Variants in TPMT observed in about 807,000 individuals in gnomAD.
TPMT encodes the protein thiopurine S-methyltransferase, also known as S-adenosyl-L-methionine:thiopurine S-methyltransferase.
TPMT carries 18 observed loss-of-function variants against 34.2 expected under a neutral mutation model. The observed-to-expected ratio is 0.53, with a 90% confidence interval of 0.36 to 0.78. The LOEUF (loss-of-function observed/expected upper bound fraction) is 0.78, where lower values mean the gene tolerates loss of function less well. Among genes scored for constraint, TPMT ranks in the 30% least tolerant of loss-of-function variants. The pLI is 0.00. For synonymous variants in TPMT, 69 were observed against 92.4 expected, an observed-to-expected ratio of 0.75 and a Z score of 1.45; for missense variants, 265 against 288.1, an observed-to-expected ratio of 0.92 and a Z score of 0.58.
intron 3 of TPMT, among the ~76,000 whole-genome samples, chr6:18,144,874 C>T (rs1362152406): frequency 1.3e-5 from 2 of 151,360 alleles, no homozygotes; most frequent in East Asian, 2.0e-4. Context: ...GTGTGCCCCA[C>T]CATACCCGGC....
rs1338652275 is a variant in TPMT at position 18,148,798 on chromosome 6, G to A, written c.140+190C>T. On this transcript the variant is annotated intron_variant, in intron 2 of 8. Transcript: ENST00000309983. The surrounding 1 kb of genome is among the most constrained non-coding windows in gnomAD (Gnocchi z 4.1). The stretch of plus-strand genomic sequence containing the variant: ...TAAGCCACACCATTATTTACACACT[G>A]TGGGAAGAAAAGACTCTGCCAATTA... 6.6e-6 allele frequency among the ~76,000 whole-genome samples: 1 copy of A among 152,194 alleles called. No individual in the cohort carries two copies. The highest frequency in any genetic ancestry group is 1.9e-4 in the East Asian group (1 of 5,200).
rs960644988 is a variant in TPMT at position 18,140,535 on chromosome 6, T to A, written c.367-818A>T. ...CAAAACTCCAACTCTACAGAAAAAATTAGATGGGTGTGGTGGCACACACCT... is the reference window on the plus strand; with the variant it reads ...CAAAACTCCAACTCTACAGAAAAAAATAGATGGGTGTGGTGGCACACACCT... On this transcript the variant is annotated intron_variant, in intron 4 of 8. Transcript: ENST00000309983. This position sits in a 1 kb window ranked among gnomAD's most constrained non-coding sequence, Gnocchi z 4.7. Among the ~76,000 whole-genome samples, 6 of 151,374 alleles carry A rather than the reference T, an allele frequency of 4.0e-5. No individual in the cohort carries two copies. Among genetic ancestry groups the A allele is most frequent in the Non-Finnish European group, 7.4e-5 (5 of 67,868 alleles).
At position 18,138,822 on chromosome 6, in the gene TPMT, T is replaced by C; in HGVS notation, c.494+141A>G. 1.4e-6 allele frequency: 1 copy of C among 722,574 alleles called. No individual in the cohort carries two copies. Among genetic ancestry groups the C allele is most frequent in the East Asian group, 2.7e-5 (1 of 37,312 alleles). The allele number at this position is 722,574 out of a possible 1,614,324, so 44.8% of individuals were successfully genotyped here. A position where few individuals can be genotyped will look rare whatever the true frequency, so the allele number is the denominator to read the frequency against. On this transcript the variant is annotated intron_variant, in intron 6 of 8. Transcript: ENST00000309983. The surrounding 1 kb of genome is among the most constrained non-coding windows in gnomAD (Gnocchi z 4.1). Reference sequence around the variant, plus strand: ...CTATACTTTTTAGACAAAGCTAGTATTGGATTTAGGTTTTTATAAATTCCA... The same window carrying C: ...CTATACTTTTTAGACAAAGCTAGTACTGGATTTAGGTTTTTATAAATTCCA...
In TPMT at chr6:18,139,514, A is replaced by G; in HGVS notation, c.419+151T>C. The G allele has an allele frequency of 4.2e-6, 3 of 715,778 alleles. No individual in the cohort carries two copies. Among genetic ancestry groups the G allele is most frequent in the Non-Finnish European group, 7.4e-6 (3 of 403,328 alleles). The allele number at this position is 715,778 out of a possible 1,614,324, so 44.3% of individuals were successfully genotyped here. ...CATTAAAGTGTGCAGACGAGTGTGT[A>G]ATAAAAATATCTGCAGAACAGACAT... On this transcript the variant is annotated intron_variant, in intron 5 of 8. Coordinates refer to ENST00000309983, the MANE Select transcript of TPMT (RefSeq NM_000367.5). The surrounding 1 kb of genome is among the most constrained non-coding windows in gnomAD (Gnocchi z 4.2).
Position 18,128,332 on chromosome 6 carries a change from A to G in TPMT, c.*2336T>C, listed in dbSNP as rs1428503199. On this transcript the variant is annotated 3_prime_UTR_variant, in exon 9 of 9. Coordinates refer to ENST00000309983, the MANE Select transcript of TPMT (RefSeq NM_000367.5). The surrounding 1 kb of genome is among the most constrained non-coding windows in gnomAD (Gnocchi z 4.6). ...AGCATTTTTGGAAAATCCTGAAAAC[A>G]ATTTAATTGCTCTAAAATAATTTAC... The G allele has an allele frequency of 6.6e-6, 1 of 152,236 alleles. No homozygotes were observed. The highest frequency in any genetic ancestry group is 1.5e-5 in the Non-Finnish European group (1 of 68,044). The allele number at this position is 152,236 out of a possible 1,614,324, so 9.4% of individuals were successfully genotyped here.
Position 18,148,869 on chromosome 6 carries a change from A to G in TPMT, c.140+119T>C, listed in dbSNP as rs1561892273. 1.4e-6 allele frequency: 2 copies of G among 1,473,268 alleles called. No homozygotes were observed. The highest frequency in any genetic ancestry group is 1.9e-6 in the Non-Finnish European group (2 of 1,063,272). 91.3% of individuals were successfully genotyped at this position (1,473,268 alleles called of 1,614,324 possible). A position where few individuals can be genotyped will look rare whatever the true frequency, so the allele number is the denominator to read the frequency against. On this transcript the variant is annotated intron_variant, in intron 2 of 8. Coordinates refer to ENST00000309983, the MANE Select transcript of TPMT (RefSeq NM_000367.5). The surrounding 1 kb of genome is among the most constrained non-coding windows in gnomAD (Gnocchi z 4.1). ...GCACTGTGACTCGGGAGACACAAAA[A>G]TGTGAAGAATTAAATGTGCATCCTA... is the stretch of plus-strand genomic sequence containing the variant.
Position 18,132,230 on chromosome 6 carries a change from T to G in TPMT, c.581-53A>C. 6.5e-7 allele frequency: 1 copy of G among 1,537,228 alleles called. No homozygotes were observed. ...TTTATTTCCAATGACGTAGGTGTAC[T>G]TGTTCTACATACAACTTCATTATCC... On this transcript the variant is annotated intron_variant, in intron 7 of 8. Coordinates refer to ENST00000309983, the MANE Select transcript of TPMT (RefSeq NM_000367.5). This position sits in a 1 kb window ranked among gnomAD's most constrained non-coding sequence, Gnocchi z 4.8.
chr6:18,143,502 C>A lies in TPMT; in HGVS notation c.366+94G>T, dbSNP rs1296321656. ...GTGAATCTGCGTGCTAAATAGGAAC[C>A]ATCGGACACATGAATGGTATCCTCA... On this transcript the variant is annotated intron_variant, in intron 4 of 8. Transcript: ENST00000309983. This position sits in a 1 kb window ranked among gnomAD's most constrained non-coding sequence, Gnocchi z 6.1. 40 of 1,519,098 alleles carry A rather than the reference C, an allele frequency of 2.6e-5. No homozygotes were observed. The highest frequency in any genetic ancestry group is 3.3e-5 in the Non-Finnish European group (36 of 1,100,652). The allele number at this position is 1,519,098 out of a possible 1,614,324, so 94.1% of individuals were successfully genotyped here.
chr6:18,133,819 G>C lies in TPMT; in HGVS notation c.565C>G (p.Pro189Ala). ...QYLLCVLSYD[P>A]TKHPGPPFYV... ...ACAACTTTACCTGGATGTTTAGTTG[G>C]ATCATAAGAAAGAACACACAGGAGA... Residue 189 changes from proline (P) to alanine (A), a missense_variant, in exon 7 of 9, where the codon CCA becomes GCA. Physicochemically the swap from Pro to Ala is conservative, Grantham distance 27. Coordinates refer to ENST00000309983, the MANE Select transcript of TPMT (RefSeq NM_000367.5). 6.2e-7 allele frequency: 1 copy of C among 1,608,832 alleles called. No homozygotes were observed. Among genetic ancestry groups the C allele is most frequent in the Non-Finnish European group, 8.5e-7 (1 of 1,178,362 alleles).
At position 18,143,755 on chromosome 6, in the gene TPMT, A is replaced by T. The variant is rs776840352; in HGVS notation, c.234-27T>A. 10 of 1,613,348 alleles carry T rather than the reference A, an allele frequency of 6.2e-6. No homozygotes were observed. The African/African-American group carries it at 1.3e-4, about 22-fold the overall frequency. On this transcript the variant is annotated intron_variant, in intron 3 of 8. Coordinates refer to ENST00000309983, the MANE Select transcript of TPMT (RefSeq NM_000367.5). This position sits in a 1 kb window ranked among gnomAD's most constrained non-coding sequence, Gnocchi z 6.1. ...TGCATAAAATCATACATTTACACTT[A>T]AATTATGTTTTCAAATGACTAAATA...
intron 6 of TPMT, among the ~76,000 whole-genome samples, chr6:18,134,135 T>C (rs922417793): frequency 2.6e-5 from 4 of 152,202 alleles, no homozygotes; most frequent in Non-Finnish European, 5.9e-5. Flanking sequence ...CCAGAGCTGA[T>C]CAGAGCAGAA....
rs927895756 is a variant in TPMT at position 18,154,614 on chromosome 6, A to C, written c.-45+419T>G. 6.6e-6 allele frequency among the ~76,000 whole-genome samples: 1 copy of C among 152,096 alleles called. No homozygotes were observed. The highest frequency in any genetic ancestry group is 1.9e-4 in the East Asian group (1 of 5,172). On this transcript the variant is annotated intron_variant, in intron 1 of 8. Coordinates refer to ENST00000309983, the MANE Select transcript of TPMT (RefSeq NM_000367.5). This position sits in a 1 kb window ranked among gnomAD's most constrained non-coding sequence, Gnocchi z 4.2. ...CGAGAGTCCGTTTCTATAAAAAAAA[A>C]TTTGAAAAATTAGCCAAGCGTGGTG...
In TPMT at chr6:18,146,054, A is replaced by G. The variant is rs1265694623; in HGVS notation, c.233+1769T>C. Among the ~76,000 whole-genome samples the G allele has an allele frequency of 6.6e-6, 1 of 152,132 alleles. No individual in the cohort carries two copies. Among genetic ancestry groups the G allele is most frequent in the Non-Finnish European group, 1.5e-5 (1 of 68,026 alleles). On this transcript the variant is annotated intron_variant, in intron 3 of 8. Coordinates refer to ENST00000309983, the MANE Select transcript of TPMT (RefSeq NM_000367.5). The surrounding 1 kb of genome is among the most constrained non-coding windows in gnomAD (Gnocchi z 6.2). ...GCCTTAGCTCATGGTCAGTTTTTCT[A>G]TTCACATCTCATGTCTGTATAGACC...
rs556178983 is a variant in TPMT, at chr6:18,141,490, C to T, written c.367-1773G>A. Among the ~76,000 whole-genome samples the T allele has an allele frequency of 5.3e-5, 8 of 152,150 alleles. No homozygotes were observed. The South Asian group carries it at 8.3e-4, about 16-fold the overall frequency. On this transcript the variant is annotated intron_variant, in intron 4 of 8. Coordinates refer to ENST00000309983, the MANE Select transcript of TPMT (RefSeq NM_000367.5). Reference sequence around the variant, plus strand: ...GAGTAGCTAGGATTATAGGTATGCACCACCACAGCCAGCTAATTTTTGCAT... The same window carrying T: ...GAGTAGCTAGGATTATAGGTATGCATCACCACAGCCAGCTAATTTTTGCAT...
chr6:18,139,770 G>C lies in TPMT; in HGVS notation c.367-53C>G, dbSNP rs1449066205. The C allele has an allele frequency of 7.8e-7, 1 of 1,276,732 alleles. No individual in the cohort carries two copies. Among genetic ancestry groups the C allele is most frequent in the Non-Finnish European group, 1.1e-6 (1 of 891,968 alleles). 79.1% of individuals were successfully genotyped at this position (1,276,732 alleles called of 1,614,324 possible). The stretch of plus-strand genomic sequence containing the variant: ...TTTTTTTTTTACTTAGTAAGTACTT[G>C]AATAGTCAAGGAAAGAGGGCCAAGC... On this transcript the variant is annotated intron_variant, in intron 4 of 8. Transcript: ENST00000309983. The surrounding 1 kb of genome is among the most constrained non-coding windows in gnomAD (Gnocchi z 4.2).
rs34826076 is a variant in TPMT, at chr6:18,139,742, A to AT, written c.367-26dup. On this transcript the variant is annotated intron_variant, in intron 4 of 8. Transcript: ENST00000309983. The surrounding 1 kb of genome is among the most constrained non-coding windows in gnomAD (Gnocchi z 4.2). ...TCTGTAATGAAATAATGAAAAAAAA[A>AT]TTTTTTTTTTTTACTTAGTAAGTAC... is the stretch of plus-strand genomic sequence containing the variant. 2,763 of 628,442 alleles carry AT rather than the reference A, an allele frequency of 4.4e-3. No individual in the cohort carries two copies. Among genetic ancestry groups the AT allele is most frequent in the African/African-American group, 4.7e-3 (237 of 50,022 alleles). 38.9% of individuals were successfully genotyped at this position (628,442 alleles called of 1,614,324 possible).
chr6:18,141,191 G>A (rs1215231547), intron 4 of TPMT, among the ~76,000 whole-genome samples: 1 of 152,194 alleles, frequency 6.6e-6, no homozygotes, highest in Non-Finnish European at 1.5e-5. Flanking sequence ...CCTGGGCGGG[G>A]AACTGCTGCT....
chr6:18,132,190 G>A lies in TPMT; in HGVS notation c.581-13C>T. 1 of 1,613,610 alleles carries A rather than the reference G, an allele frequency of 6.2e-7. No homozygotes were observed. The highest frequency in any genetic ancestry group is 8.5e-7 in the Non-Finnish European group (1 of 1,179,530). On this transcript the variant is annotated splice_polypyrimidine_tract_variant and intron_variant, in intron 7 of 8. Coordinates refer to ENST00000309983, the MANE Select transcript of TPMT (RefSeq NM_000367.5). The surrounding 1 kb of genome is among the most constrained non-coding windows in gnomAD (Gnocchi z 4.8). The stretch of plus-strand genomic sequence containing the variant: ...TAAAATGGTGGACCTAGGTAAAAGA[G>A]AAATAAATTCTGAGTTTATTTCCAA...
chr6:18,152,218 T>C (rs1029348969), intron 1 of TPMT, among the ~76,000 whole-genome samples: 2 of 152,292 alleles, frequency 1.3e-5, no homozygotes, highest in Admixed American at 6.5e-5. Flanking sequence ...CTCAATGGCT[T>C]TTCTCATTGC....
Sources: allele counts gnomAD v4.1 joint callset (sites outside exome capture counted in the v4.1 genomes callset), GRCh38; gene constraint gnomAD v4.1.1; non-coding constraint Gnocchi (gnomAD v3.1); transcripts MANE v1.5; gene names NCBI Gene and HGNC (gene_info 2026-07-23, HGNC 2026-07-21).